The following NME7 variants were observed in gnomAD, a reference collection of about 807,000 sequenced individuals.
NME7 encodes NME/NM23 family member 7, also known as nucleoside diphosphate kinase 7.
A neutral mutation model predicts 49.1 loss-of-function variants in NME7; 41 were observed. That is an observed-to-expected ratio of 0.83 (90% CI 0.65 to 1.08). The LOEUF is 1.08. Among genes scored for constraint, NME7 ranks in the 50% least tolerant of loss-of-function variants. The pLI is 0.00. For missense variants in NME7, 423 were observed against 463.4 expected, an observed-to-expected ratio of 0.91 and a Z score of 0.80; for synonymous variants, 139 against 150.6, an observed-to-expected ratio of 0.92 and a Z score of 0.56.
At chr1:169,283,163 G>A (rs190058892) in intron 7 of NME7, among the ~76,000 whole-genome samples, 413 of 152,184 alleles carry the variant, frequency 2.7e-3, no homozygotes, top group Middle Eastern at 0.014. Flanking sequence ...AGGATAGTCA[G>A]TACTTCTTGT....
chr1:169,259,897 C>T (rs188251066), intron 7 of NME7, among the ~76,000 whole-genome samples: 2 of 133,578 alleles, frequency 1.5e-5, no homozygotes, highest in Admixed American at 1.5e-4. Flanking sequence ...ACTAGAGTCA[C>T]TTTAGTTCCT....
At chr1:169,161,425 G>A (rs535229948) in intron 11 of NME7, among the ~76,000 whole-genome samples, 1 of 152,176 alleles carries the variant, frequency 6.6e-6, no homozygotes, top group Admixed American at 6.5e-5. Flanking sequence ...AAGAAATTGG[G>A]GCCTGTCCAA....
intron 11 of NME7, chr1:169,169,190 T>G (rs1249872624): frequency 1.7e-5 from 6 of 361,078 alleles, no homozygotes; most frequent in South Asian, 5.1e-5. Context: ...GAACATCACA[T>G]ACCAGGACTT....
intron 10 of NME7, among the ~76,000 whole-genome samples, chr1:169,187,055 T>C (rs1362305400): frequency 2.6e-5 from 4 of 152,210 alleles, no homozygotes; most frequent in Non-Finnish European, 5.9e-5. Context: ...TCAGTTTCCA[T>C]GTAGTTGTGC....
intron 3 of NME7, among the ~76,000 whole-genome samples, chr1:169,314,259 A>T (rs1651523055): frequency 1.3e-5 from 2 of 152,010 alleles, no homozygotes; most frequent in South Asian, 4.1e-4. Context: ...GTTCATGGAA[A>T]AAAAACAAAA....
intron 7 of NME7, among the ~76,000 whole-genome samples, chr1:169,258,405 T>TATATATATATAC (rs1422519342): frequency 1.1e-3 from 74 of 68,770 alleles, no homozygotes; most frequent in African/African-American, 3.9e-3. Flanking sequence ...TATATATATA[T>TATATATATATAC]ACACACACAC....
intron 1 of NME7, among the ~76,000 whole-genome samples, chr1:169,362,391 G>A (rs1653693953): frequency 6.6e-6 from 1 of 152,098 alleles, no homozygotes; most frequent in Non-Finnish European, 1.5e-5. Context: ...TAATATCTTT[G>A]TCAAATATAT....
At chr1:169,187,047 A>G (rs967250633) in intron 10 of NME7, among the ~76,000 whole-genome samples, 6 of 152,136 alleles carry the variant, frequency 3.9e-5, no homozygotes, top group African/African-American at 1.4e-4. Context: ...CAGGTTGTTC[A>G]GTTTCCATGT....
At chr1:169,343,935 T>C (rs1191716774) in intron 1 of NME7, among the ~76,000 whole-genome samples, 5 of 152,206 alleles carry the variant, frequency 3.3e-5, no homozygotes, top group African/African-American at 1.2e-4. Flanking sequence ...GATCAGCTCG[T>C]CAATTTCTGC....
chr1:169,301,219 A>C (rs1400175541), intron 5 of NME7, among the ~76,000 whole-genome samples: 1 of 152,164 alleles, frequency 6.6e-6, no homozygotes, highest in East Asian at 1.9e-4. Context: ...AACGACCTTA[A>C]ATAATCAAAC....
At chr1:169,275,869 T>C (rs1266785725) in intron 7 of NME7, among the ~76,000 whole-genome samples, 5 of 133,826 alleles carry the variant, frequency 3.7e-5, no homozygotes, top group Admixed American at 7.4e-5. Flanking sequence ...CATCAATACC[T>C]AATTTATTGA....
chr1:169,347,217 A>G (rs912268292), intron 1 of NME7, among the ~76,000 whole-genome samples: 81 of 152,232 alleles, frequency 5.3e-4, no homozygotes, highest in African/African-American at 1.9e-3. Flanking sequence ...GTAAGTAAAT[A>G]AATAAATTGT....
chr1:169,236,960 T>C (rs1323325853), intron 8 of NME7, among the ~76,000 whole-genome samples: 1 of 152,130 alleles, frequency 6.6e-6, no homozygotes, highest in Non-Finnish European at 1.5e-5. Flanking sequence ...TTATCTGATT[T>C]ATATAATAAT....
At chr1:169,252,461 G>C (rs975436698) in intron 7 of NME7, among the ~76,000 whole-genome samples, 3 of 151,866 alleles carry the variant, frequency 2.0e-5, no homozygotes, top group African/African-American at 7.3e-5. Flanking sequence ...CTGGATATTA[G>C]CCCTTTGTCA....
chr1:169,253,385 A>C lies in NME7; in HGVS notation c.755-15698T>G, dbSNP rs1482809553. On this transcript the variant is annotated intron_variant, in intron 7 of 11. Transcript: ENST00000367811. Reference sequence around the variant, plus strand: ...GTTTGTCTGTTATTGGTGTATAAGAATGCTTGTGATTTTTGCACATTGATT... The same window carrying C: ...GTTTGTCTGTTATTGGTGTATAAGACTGCTTGTGATTTTTGCACATTGATT... Among the ~76,000 whole-genome samples the C allele has an allele frequency of 5.3e-5, 8 of 151,498 alleles. No homozygotes were observed. In the East Asian group the frequency reaches 1.5e-3, roughly 29 times the overall value.
intron 9 of NME7, among the ~76,000 whole-genome samples, chr1:169,232,450 C>A (rs1322421837): frequency 8.6e-5 from 13 of 151,604 alleles, no homozygotes; most frequent in Non-Finnish European, 1.9e-4. Context: ...ACCTATAGAT[C>A]CAACAGAACC....
At chr1:169,190,745 C>G (rs567611856) in intron 10 of NME7, 1 of 374,302 alleles carries the variant, frequency 2.7e-6, no homozygotes, top group Non-Finnish European at 5.2e-6. Flanking sequence ...TAGGTTGACT[C>G]ATACTAAAAT....
intron 11 of NME7, among the ~76,000 whole-genome samples, chr1:169,140,814 A>G (rs1658571373): frequency 6.6e-6 from 1 of 152,108 alleles, no homozygotes. Flanking sequence ...TTGGTTGTAC[A>G]TCACAATCAC....
chr1:169,246,024 T>C (rs1275099073), intron 7 of NME7, among the ~76,000 whole-genome samples: 1 of 152,200 alleles, frequency 6.6e-6, no homozygotes, highest in African/African-American at 2.4e-5. Flanking sequence ...CAAATGTCTA[T>C]GGTTTTCTGC....
Sources: gnomAD v4.1 joint callset for allele counts (sites outside exome capture counted in the v4.1 genomes callset) on GRCh38, gnomAD v4.1.1 for gene constraint, MANE v1.5 for transcripts, NCBI Gene and HGNC (gene_info 2026-07-23, HGNC 2026-07-21) for gene names.